TNKS: variants seen among roughly 807,000 people sequenced by gnomAD.
TNKS encodes the protein tankyrase.
In TNKS, 72 loss-of-function variants were observed where a neutral mutation model predicts 135.8. The ratio of observed to expected loss-of-function variants is 0.53; its 90% confidence interval spans 0.44 to 0.64. TNKS has a LOEUF of 0.64. Ranked by LOEUF, TNKS falls within the 30% of genes least tolerant of loss-of-function variation. The pLI is 0.00. For synonymous variants in TNKS, 849 were observed against 649.3 expected (o/e 1.31, Z -4.68); for missense variants, 1,769 against 1,674.0 (o/e 1.06, Z -0.99).
intron 3 of TNKS, among the ~76,000 whole-genome samples, chr8:9,617,038 C>G (rs531427180): frequency 1.3e-5 from 2 of 152,188 alleles, no homozygotes; most frequent in East Asian, 3.8e-4. Flanking sequence ...CTCCCTCTGA[C>G]GTTTCCTTCT....
chr8:9,694,193 A>G (rs1803408535), intron 5 of TNKS, among the ~76,000 whole-genome samples: 1 of 152,178 alleles, frequency 6.6e-6, no homozygotes, highest in Non-Finnish European at 1.5e-5. Flanking sequence ...TAAATTCACC[A>G]TGTCGGATTA....
intron 2 of TNKS, among the ~76,000 whole-genome samples, chr8:9,589,222 G>A (rs1393428398): frequency 2.0e-5 from 3 of 152,170 alleles, no homozygotes; most frequent in Non-Finnish European, 2.9e-5. Context: ...TAGGATACTA[G>A]AAGCAGGACA....
At chr8:9,574,550 G>C (rs1797870707) in intron 1 of TNKS, among the ~76,000 whole-genome samples, 1 of 152,092 alleles carries the variant, frequency 6.6e-6, no homozygotes, top group Non-Finnish European at 1.5e-5. Flanking sequence ...GATTTAAATA[G>C]AATCAAGTAA....
chr8:9,669,314 A>T (rs1802158417), intron 3 of TNKS, among the ~76,000 whole-genome samples: 1 of 150,128 alleles, frequency 6.7e-6, no homozygotes, highest in Non-Finnish European at 1.5e-5. Context: ...GCTACTCGGG[A>T]GGCTGAGGCA....
At chr8:9,580,840 C>T (rs938669336) in intron 2 of TNKS, among the ~76,000 whole-genome samples, 14 of 151,962 alleles carry the variant, frequency 9.2e-5, no homozygotes, top group African/African-American at 1.2e-4. Context: ...AGAACTTAAT[C>T]GTTTCAATAT....
intron 3 of TNKS, among the ~76,000 whole-genome samples, chr8:9,650,756 C>G (rs1181467060): frequency 6.6e-6 from 1 of 152,054 alleles, no homozygotes; most frequent in Non-Finnish European, 1.5e-5. Flanking sequence ...TCTTCTCCTG[C>G]TCTGTGGTTT....
chr8:9,701,416 T>C (rs1484794219), intron 5 of TNKS, among the ~76,000 whole-genome samples: 21 of 152,216 alleles, frequency 1.4e-4, no homozygotes, highest in Admixed American at 1.3e-3. Flanking sequence ...TGACCCTTTT[T>C]ATGTAATATT....
intron 1 of TNKS, among the ~76,000 whole-genome samples, chr8:9,573,536 G>A (rs932152770): frequency 2.6e-5 from 4 of 152,142 alleles, no homozygotes; most frequent in African/African-American, 9.7e-5. Flanking sequence ...AAATATGTAA[G>A]GAGGCAACTT....
rs1806540310 is a variant in TNKS at position 9,751,657 on chromosome 8, TTACC to T, written c.2887_2890del (p.Thr963ValfsTer8). On this transcript the variant is annotated frameshift_variant, in exon 19 of 27. Transcript: ENST00000310430. LOFTEE classifies it high-confidence loss of function. ...GATAGATGCCATGCCCCCAGAGGCC[TTACC>T]TACCTGTTTTAAACCTCAGGCTACT... 1 of 1,614,102 alleles carries T rather than the reference TTACC, an allele frequency of 6.2e-7. No individual in the cohort carries two copies.
chr8:9,556,504 G>A lies in TNKS; in HGVS notation c.565G>A (p.Ala189Thr). 6.2e-7 allele frequency: 1 copy of A among 1,614,166 alleles called. No homozygotes were observed. Among genetic ancestry groups the A allele is most frequent in the Non-Finnish European group, 8.5e-7 (1 of 1,180,048 alleles). ...VSGALRELLE[A>T]CRNGDVSRVK... Reference sequence around the variant, plus strand: ...CGGGGCCCTACGGGAACTGCTGGAGGCCTGTCGCAATGGGGACGTGTCCCG... The same window carrying A: ...CGGGGCCCTACGGGAACTGCTGGAGACCTGTCGCAATGGGGACGTGTCCCG... The change falls in exon 1 of 27, where the codon GCC becomes ACC. Residue 189 changes from alanine (A) to threonine (T), a missense_variant. Physicochemically the swap from Ala to Thr is moderately conservative, Grantham distance 58. Transcript: ENST00000310430.
At chr8:9,618,990 C>T (rs1799758481) in intron 3 of TNKS, among the ~76,000 whole-genome samples, 1 of 152,212 alleles carries the variant, frequency 6.6e-6, no homozygotes, top group South Asian at 2.1e-4. Context: ...CAGTACCCTT[C>T]TATGAGTATA....
chr8:9,716,172 T>C (rs972224183), intron 11 of TNKS, among the ~76,000 whole-genome samples: 5 of 152,218 alleles, frequency 3.3e-5, no homozygotes, highest in African/African-American at 9.6e-5. Flanking sequence ...TGTGACATAA[T>C]AATTGACATT....
intron 3 of TNKS, among the ~76,000 whole-genome samples, chr8:9,653,889 A>G (rs1444558644): frequency 1.3e-5 from 2 of 151,792 alleles, no homozygotes; most frequent in African/African-American, 2.4e-5. Context: ...TGCTCCCTCT[A>G]GTCCTTTCCC....
intron 15 of TNKS, 71 bp from the exon 16 acceptor site, chr8:9,734,794 A>T: frequency 1.5e-6 from 2 of 1,306,782 alleles, no homozygotes; most frequent in Non-Finnish European, 2.1e-6. Flanking sequence ...AGAGTAAATT[A>T]ATTACCTACC....
At chr8:9,758,606 C>G (rs1004676562) in intron 20 of TNKS, among the ~76,000 whole-genome samples, 1 of 152,154 alleles carries the variant, frequency 6.6e-6, no homozygotes, top group African/African-American at 2.4e-5. Flanking sequence ...TTGGGTGCCT[C>G]TGGCTCAAGG....
In TNKS at chr8:9,655,365, G is replaced by T. The variant is rs978119083; in HGVS notation, c.995-24586G>T. On this transcript the variant is annotated intron_variant, in intron 3 of 26. Coordinates refer to ENST00000310430, the MANE Select transcript of TNKS (RefSeq NM_003747.3). ...AGCAGAAACCCCTGCAGACTTAAAT[G>T]TCCCTGTCTGACAGCTTTGAAGAGA... Among the ~76,000 whole-genome samples, 6 of 152,178 alleles carry T rather than the reference G, an allele frequency of 3.9e-5. No individual in the cohort carries two copies. In the East Asian group the frequency reaches 1.2e-3, roughly 29 times the overall value.
chr8:9,715,908 G>T (rs183747008), intron 11 of TNKS, among the ~76,000 whole-genome samples: 1 of 152,176 alleles, frequency 6.6e-6, no homozygotes, highest in African/African-American at 2.4e-5. Context: ...CTTTATTATG[G>T]TTAGTCTGCC....
chr8:9,556,721 G>A, intron 1 of TNKS, 109 bp downstream of exon 1: 1 of 1,301,538 alleles, frequency 7.7e-7, no homozygotes, highest in Non-Finnish European at 1.1e-6. Flanking sequence ...CGTGGTTATG[G>A]TTCTTCATCA....
chr8:9,720,349 A>G (rs200954153), intron 11 of TNKS, 25 bp from the exon 12 acceptor site: 2 of 1,555,956 alleles, frequency 1.3e-6, no homozygotes, highest in South Asian at 1.2e-5. Context: ...GCTCAATTCC[A>G]TGTGCCCACG....
Sources: allele counts gnomAD v4.1 joint callset (sites outside exome capture counted in the v4.1 genomes callset), GRCh38; gene constraint gnomAD v4.1.1; transcripts MANE v1.5; gene names NCBI Gene and HGNC (gene_info 2026-07-23, HGNC 2026-07-21).